RALYL: variants seen among roughly 807,000 people sequenced by gnomAD.
The protein encoded by RALYL is RALY RNA binding protein like, also known as RNA-binding Raly-like protein.
Under a neutral mutation model 35.1 loss-of-function variants are expected in RALYL, and 29 were observed. That is an observed-to-expected ratio of 0.83 (90% confidence interval 0.61 to 1.13). RALYL has a LOEUF of 1.13. Among genes scored for constraint, RALYL ranks in the 50% most tolerant of loss-of-function variants. The probability of loss-of-function intolerance (pLI) is 0.00; values close to 1 mark genes in which losing one functional copy is unlikely to be tolerated. For missense variants in RALYL, 359 were observed against 360.4 expected (o/e 1.00, Z 0.03); for synonymous variants, 120 against 127.6 (o/e 0.94, Z 0.40).
chr8:84,719,701 A>G (rs1364247456), intron 2 of RALYL, among the ~76,000 whole-genome samples: 1 of 152,162 alleles, frequency 6.6e-6, no homozygotes, highest in Non-Finnish European at 1.5e-5. Context: ...TTTATGGGTT[A>G]CAGTGAGATG....
At chr8:84,270,846 G>C (rs1436480883) in intron 1 of RALYL, among the ~76,000 whole-genome samples, 1 of 152,012 alleles carries the variant, frequency 6.6e-6, no homozygotes, top group African/African-American at 2.4e-5. Flanking sequence ...GATGAACTTA[G>C]TGGTAGATTA....
Position 84,275,965 on chromosome 8 carries a change from T to C in RALYL, c.-24+91541T>C, listed in dbSNP as rs1367289136. On this transcript the variant is annotated intron_variant, in intron 1 of 8. Transcript: ENST00000521268. ...TTGGCAAACTAATTTTTAAAAAAAA[T>C]ATATCATTCATCTAACCAGTCTGCA... Among the ~76,000 whole-genome samples the C allele has an allele frequency of 4.6e-5, 7 of 152,102 alleles. No individual in the cohort carries two copies. In the East Asian group the frequency reaches 9.6e-4, roughly 21 times the overall value.
chr8:84,560,791 T>C (rs547694736), intron 2 of RALYL, among the ~76,000 whole-genome samples: 39 of 151,854 alleles, frequency 2.6e-4, no homozygotes, highest in African/African-American at 9.4e-4. Flanking sequence ...TGCTTATCTG[T>C]TTGGGGAAAA....
chr8:84,308,478 T>A (rs985581342), intron 1 of RALYL, among the ~76,000 whole-genome samples: 17 of 150,258 alleles, frequency 1.1e-4, no homozygotes, highest in African/African-American at 4.0e-4. Context: ...AATAACCAAA[T>A]GACCCACAAA....
At chr8:84,329,225 A>G (rs1026270215) in intron 1 of RALYL, among the ~76,000 whole-genome samples, 24 of 152,310 alleles carry the variant, frequency 1.6e-4, no homozygotes, top group African/African-American at 5.5e-4. Flanking sequence ...TCCCACCAAC[A>G]GTATGTAAGC....
intron 3 of RALYL, among the ~76,000 whole-genome samples, chr8:84,788,004 C>A (rs1819941769): frequency 6.6e-6 from 1 of 152,170 alleles, no homozygotes; most frequent in African/African-American, 2.4e-5. Context: ...TTTAGCTGTG[C>A]AGAAGCTCTT....
At chr8:84,850,749 G>A (rs901899509) in intron 5 of RALYL, among the ~76,000 whole-genome samples, 1 of 152,176 alleles carries the variant, frequency 6.6e-6, no homozygotes, top group Non-Finnish European at 1.5e-5. Flanking sequence ...GACAGGATAC[G>A]GAGTAGGCAT....
At chr8:84,614,200 C>T (rs1482280631) in intron 2 of RALYL, among the ~76,000 whole-genome samples, 5 of 151,560 alleles carry the variant, frequency 3.3e-5, no homozygotes, top group Non-Finnish European at 7.4e-5. Flanking sequence ...TAAGCCTTAG[C>T]TGTTGCTGTT....
At chr8:84,321,404 C>T (rs1224751223) in intron 1 of RALYL, among the ~76,000 whole-genome samples, 1 of 152,078 alleles carries the variant, frequency 6.6e-6, no homozygotes, top group Non-Finnish European at 1.5e-5. Flanking sequence ...GATCTGCTTA[C>T]TTGAAGCAGA....
intron 2 of RALYL, among the ~76,000 whole-genome samples, chr8:84,565,023 A>G (rs1246220264): frequency 6.6e-6 from 1 of 151,510 alleles, no homozygotes; most frequent in Non-Finnish European, 1.5e-5. Context: ...TGCTTTCATA[A>G]TTTTCCTTTA....
chr8:84,879,504 T>A (rs375018080), intron 7 of RALYL, among the ~76,000 whole-genome samples: 49 of 152,046 alleles, frequency 3.2e-4, no homozygotes, highest in African/African-American at 1.1e-3. Flanking sequence ...GAATGGGGAT[T>A]ATAGGACCAA....
At chr8:84,565,877 G>A (rs1336883285) in intron 2 of RALYL, among the ~76,000 whole-genome samples, 1 of 151,594 alleles carries the variant, frequency 6.6e-6, no homozygotes, top group East Asian at 1.9e-4. Flanking sequence ...GGGGGATTAA[G>A]TAAAATAATG....
At chr8:84,866,190 T>C (rs759276676) in intron 6 of RALYL, among the ~76,000 whole-genome samples, 10 of 152,074 alleles carry the variant, frequency 6.6e-5, no homozygotes, top group Non-Finnish European at 1.5e-4. Context: ...TTCTGAAAGA[T>C]AGAATGAGAG....
intron 2 of RALYL, among the ~76,000 whole-genome samples, chr8:84,648,267 C>T (rs1401971925): frequency 6.6e-6 from 1 of 152,070 alleles, no homozygotes; most frequent in African/African-American, 2.4e-5. Flanking sequence ...ACATCAGATT[C>T]CACAGGTGCC....
intron 6 of RALYL, among the ~76,000 whole-genome samples, chr8:84,868,076 G>A (rs1167025817): frequency 1.3e-5 from 2 of 152,058 alleles, no homozygotes; most frequent in Non-Finnish European, 2.9e-5. Flanking sequence ...CATGAGACCA[G>A]GGAGGCAGTT....
intron 4 of RALYL, among the ~76,000 whole-genome samples, chr8:84,812,455 T>C (rs1477382925): frequency 6.6e-6 from 1 of 152,024 alleles, no homozygotes; most frequent in Non-Finnish European, 1.5e-5. Flanking sequence ...TGTGGTAGTA[T>C]GGAGAGGAAC....
At chr8:84,823,376 T>A (rs1828931829) in intron 4 of RALYL, among the ~76,000 whole-genome samples, 1 of 151,980 alleles carries the variant, frequency 6.6e-6, no homozygotes, top group Non-Finnish European at 1.5e-5. Context: ...TGAACAGACA[T>A]CTGTAACATA....
At chr8:84,355,612 A>G (rs1187876017) in intron 1 of RALYL, among the ~76,000 whole-genome samples, 1 of 150,560 alleles carries the variant, frequency 6.6e-6, no homozygotes, top group African/African-American at 2.5e-5. Flanking sequence ...AGTATGCGAT[A>G]TAAAGAGAAT....
At chr8:84,587,803 G>T (rs747795418) in intron 2 of RALYL, among the ~76,000 whole-genome samples, 2 of 152,112 alleles carry the variant, frequency 1.3e-5, no homozygotes, top group African/African-American at 2.4e-5. Flanking sequence ...ATTATGAGTA[G>T]CCCACATTCT....
Sources: gnomAD v4.1 joint callset for allele counts (sites outside exome capture counted in the v4.1 genomes callset) on GRCh38, gnomAD v4.1.1 for gene constraint, MANE v1.5 for transcripts, NCBI Gene and HGNC (gene_info 2026-07-23, HGNC 2026-07-21) for gene names.